Variants in AACS observed in about 807,000 individuals in gnomAD.
AACS encodes acetoacetate-CoA ligase.
A neutral mutation model predicts 83.1 loss-of-function variants in AACS; 69 were observed. The observed-to-expected ratio is 0.83, with a 90% CI of 0.68 to 1.01. The LOEUF is 1.01. Among genes scored for constraint, AACS ranks in the 50% least tolerant of loss-of-function variants. AACS has a pLI of 0.00. For synonymous variants in AACS, 333 were observed against 343.4 expected (o/e 0.97, Z 0.33); for missense variants, 866 against 882.2 (o/e 0.98, Z 0.23).
intron 3 of AACS, among the ~76,000 whole-genome samples, chr12:125,084,095 A>G (rs918642587): frequency 2.0e-4 from 31 of 151,888 alleles, no homozygotes; most frequent in African/African-American, 7.5e-4. Context: ...TGGGAGTTCG[A>G]GGTCACTGGA....
At chr12:125,084,122 G>T (rs1228775841) in intron 3 of AACS, among the ~76,000 whole-genome samples, 3 of 151,358 alleles carry the variant, frequency 2.0e-5, no homozygotes, top group Non-Finnish European at 4.4e-5. Flanking sequence ...GAGGTCAGGA[G>T]TTTGAGATTA....
At chr12:125,083,430 G>A (rs1427219114) in intron 3 of AACS, among the ~76,000 whole-genome samples, 1 of 152,164 alleles carries the variant, frequency 6.6e-6, no homozygotes, top group Non-Finnish European at 1.5e-5. Context: ...AGTCACTGGG[G>A]GGCCATTGTG....
At chr12:125,134,911 GGGAGCCCCA>G in intron 16 of AACS, 59 bp downstream of exon 16, 1 of 1,598,798 alleles carries the variant, frequency 6.3e-7, no homozygotes, top group South Asian at 1.1e-5. Context: ...GGGTCCTGGC[GGGAGCCCCA>G]GGAGCCCCAC....
At chr12:125,117,121 T>G in intron 9 of AACS, among the ~76,000 whole-genome samples, 1 of 152,014 alleles carries the variant, frequency 6.6e-6, no homozygotes, top group Non-Finnish European at 1.5e-5. Context: ...AAAATAATTT[T>G]TTTTTGGAGT....
Position 125,097,325 on chromosome 12 carries a change from G to A in AACS, c.571-5354G>A, listed in dbSNP as rs1228509797. Among the ~76,000 whole-genome samples the A allele has an allele frequency of 6.6e-6, 1 of 152,078 alleles. No individual in the cohort carries two copies. Among genetic ancestry groups the A allele is most frequent in the Non-Finnish European group, 1.5e-5 (1 of 68,028 alleles). On this transcript the variant is annotated intron_variant, in intron 5 of 17. Coordinates refer to ENST00000316519, the MANE Select transcript of AACS (RefSeq NM_023928.5). The surrounding 1 kb of genome is among the most constrained non-coding windows in gnomAD (Gnocchi z 4.3). ...CCTTGAAATGGAGGAGGGAGGAGGT[G>A]GACGGTGACCGAAGGCCTGATGTCC...
chr12:125,091,953 C>T (rs1283423552), intron 5 of AACS, among the ~76,000 whole-genome samples: 2 of 152,314 alleles, frequency 1.3e-5, no homozygotes, highest in Non-Finnish European at 2.9e-5. Context: ...TGTTACCAGC[C>T]CCTTCCTCTG....
chr12:125,134,194 C>T (rs1209215413), intron 15 of AACS, 122 bp downstream of exon 15: 2 of 1,059,098 alleles, frequency 1.9e-6, no homozygotes. Context: ...CACTCCACTC[C>T]AGCACCAGGG....
chr12:125,136,699 C>G lies in AACS; in HGVS notation c.1716C>G (p.Val572=), dbSNP rs1234336997. 1 of 1,614,090 alleles carries G rather than the reference C, an allele frequency of 6.2e-7. No individual in the cohort carries two copies. Among genetic ancestry groups the G allele is most frequent in the South Asian group, 1.1e-5 (1 of 91,058 alleles). Residue 572 remains valine, a synonymous_variant, in exon 17 of 18, where the codon GTC becomes GTG. Transcript: ENST00000316519. ...SFEEVEDSLC[V]PQYNKYREER... Reference sequence around the variant, plus strand: ...AGGAGGTGGAGGACAGCCTGTGTGTCCCCCAGTATAACAAGTACAGGGAGG... The same window carrying G: ...AGGAGGTGGAGGACAGCCTGTGTGTGCCCCAGTATAACAAGTACAGGGAGG...
intron 14 of AACS, 120 bp from the exon 15 acceptor site, chr12:125,133,883 C>T: frequency 1.0e-6 from 1 of 971,198 alleles, no homozygotes; most frequent in Non-Finnish European, 1.6e-6. Context: ...CCCCCAGCCC[C>T]ATGCCAGACC....
chr12:125,125,633 A>G (rs1957235291), intron 12 of AACS: 1 of 152,640 alleles, frequency 6.6e-6, no homozygotes, highest in Non-Finnish European at 1.5e-5. Flanking sequence ...TAGAATCTGC[A>G]AATAGTGAGA....
chr12:125,114,579 G>A (rs1957016772), intron 9 of AACS, 22 bp downstream of exon 9: 1 of 1,608,042 alleles, frequency 6.2e-7, no homozygotes, highest in Non-Finnish European at 8.5e-7. Flanking sequence ...CCCAGGTGCT[G>A]GCCTGTGCTA....
At chr12:125,123,558 C>T (rs1196776335) in intron 10 of AACS, 1 of 152,174 alleles carries the variant, frequency 6.6e-6, no homozygotes, top group Non-Finnish European at 1.5e-5. Flanking sequence ...TGGAGGGAGA[C>T]CCACCCTGCC....
intron 3 of AACS, 47 bp from the exon 4 acceptor site, chr12:125,086,283 T>G: frequency 3.9e-6 from 6 of 1,554,562 alleles, no homozygotes; most frequent in Non-Finnish European, 5.3e-6. Context: ...TTGCAACTTT[T>G]CTTTTTGCGG....
Position 125,114,557 on chromosome 12 carries a change from G to T in AACS, c.996G>T (p.Thr332=), listed in dbSNP as rs750084985. The change falls in exon 9 of 18, where the codon ACG becomes ACT. Residue 332 remains threonine, a splice_region_variant and synonymous_variant. Transcript: ENST00000316519. ...TSSDILLCYT[T]VGWMMWNWMV... ...GTGACATCCTCCTGTGCTACACCAC[G>T]GTAAGGGCTTCCCCAGGTGCTGGCC... 6.2e-7 allele frequency: 1 copy of T among 1,610,666 alleles called. No individual in the cohort carries two copies. The highest frequency in any genetic ancestry group is 8.5e-7 in the Non-Finnish European group (1 of 1,178,380).
At chr12:125,072,419 A>T (rs1440520722) in intron 1 of AACS, among the ~76,000 whole-genome samples, 1 of 152,168 alleles carries the variant, frequency 6.6e-6, no homozygotes, top group Admixed American at 6.5e-5. Flanking sequence ...AACAGTGAGG[A>T]TGGGCAAGCT....
chr12:125,112,160 C>T (rs999883885), intron 8 of AACS, among the ~76,000 whole-genome samples: 8 of 152,162 alleles, frequency 5.3e-5, no homozygotes, highest in African/African-American at 1.7e-4. Context: ...AAGTTTGTCA[C>T]CCCCAAATTA....
At chr12:125,067,834 G>T (rs10846819) in intron 1 of AACS, among the ~76,000 whole-genome samples, 22,514 of 152,100 alleles carry the variant, frequency 0.15, 1,972 homozygotes, top group East Asian at 0.24. Context: ...GTGCTCGGCC[G>T]ACTACCTGGG....
chr12:125,073,674 C>T (rs543263768), intron 1 of AACS, among the ~76,000 whole-genome samples: 7 of 152,232 alleles, frequency 4.6e-5, no homozygotes, highest in Non-Finnish European at 7.4e-5. Context: ...AAAACATCAC[C>T]GCCTCAGCTT....
At chr12:125,118,619 C>T (rs764797395) in intron 9 of AACS, 22 bp from the exon 10 acceptor site, 21 of 1,613,412 alleles carry the variant, frequency 1.3e-5, no homozygotes, top group East Asian at 2.2e-5. Context: ...CCGCTGAAGC[C>T]GCATCCCTCC....
Sources: allele counts gnomAD v4.1 joint callset (sites outside exome capture counted in the v4.1 genomes callset), GRCh38; gene constraint gnomAD v4.1.1; non-coding constraint Gnocchi (gnomAD v3.1); transcripts MANE v1.5; gene names NCBI Gene and HGNC (gene_info 2026-07-23, HGNC 2026-07-21).